The following SPPL2A variants were observed in gnomAD, a reference collection of about 807,000 sequenced individuals.
SPPL2A encodes signal peptide peptidase-like 2A.
In SPPL2A, 51 loss-of-function variants were observed where a neutral mutation model predicts 63.8. The observed-to-expected ratio is 0.80, with a 90% CI of 0.64 to 1.01. The LOEUF (loss-of-function observed/expected upper bound fraction) is 1.01. Among genes scored for constraint, SPPL2A ranks in the 50% least tolerant of loss-of-function variants. SPPL2A has a pLI of 0.00. For synonymous variants in SPPL2A, 188 were observed against 205.8 expected (o/e 0.91, Z 0.74); for missense variants, 553 against 622.7 (o/e 0.89, Z 1.19).
chr15:50,731,942 A>AAAAAAAAAG (rs1280958528), intron 9 of SPPL2A, among the ~76,000 whole-genome samples: 1 of 124,066 alleles, frequency 8.1e-6, no homozygotes. Flanking sequence ...AAAAAAAAAA[A>AAAAAAAAAG]ACCAAATAAA....
intron 14 of SPPL2A, among the ~76,000 whole-genome samples, chr15:50,712,671 C>A: frequency 1.0e-5 from 1 of 99,408 alleles, no homozygotes; most frequent in Non-Finnish European, 1.9e-5. Context: ...CTCCCTCCCT[C>A]CCCCCCCCTT....
At chr15:50,762,991 C>T (rs1372048308) in intron 1 of SPPL2A, among the ~76,000 whole-genome samples, 2 of 151,688 alleles carry the variant, frequency 1.3e-5, no homozygotes, top group Non-Finnish European at 2.9e-5. Context: ...GATCCACCCA[C>T]CTGGACCTCT....
At chr15:50,727,363 C>T (rs191847405) in intron 10 of SPPL2A, among the ~76,000 whole-genome samples, 1 of 152,158 alleles carries the variant, frequency 6.6e-6, no homozygotes, top group Admixed American at 6.5e-5. Context: ...AAATCTTCTG[C>T]GCATGTTAAG....
At chr15:50,712,682 T>TAC (rs1418811529) in intron 14 of SPPL2A, among the ~76,000 whole-genome samples, 1 of 120,170 alleles carries the variant, frequency 8.3e-6, no homozygotes, top group Non-Finnish European at 1.8e-5. Context: ...CCCCCCCCTT[T>TAC]TTTTTTTTTT....
intron 14 of SPPL2A, among the ~76,000 whole-genome samples, chr15:50,709,010 C>T (rs12912835): frequency 0.087 from 13,222 of 151,594 alleles, 732 homozygotes; most frequent in South Asian, 0.15. Context: ...GCGCTCCAGC[C>T]TGGGTGACAG....
intron 12 of SPPL2A, 130 bp downstream of exon 12, chr15:50,725,091 A>G: frequency 1.5e-6 from 1 of 671,186 alleles, no homozygotes; most frequent in Non-Finnish European, 2.6e-6. Context: ...TTTTGTTATG[A>G]CAATCTCAGC....
intron 1 of SPPL2A, among the ~76,000 whole-genome samples, chr15:50,750,395 T>C (rs977826015): frequency 2.0e-5 from 3 of 152,170 alleles, no homozygotes; most frequent in Non-Finnish European, 2.9e-5. Flanking sequence ...TTATATTCTA[T>C]AAAACAACAT....
chr15:50,716,153 TA>T (rs1406342153), intron 14 of SPPL2A, among the ~76,000 whole-genome samples: 1 of 152,142 alleles, frequency 6.6e-6, no homozygotes, highest in Non-Finnish European at 1.5e-5. Context: ...CTTGTATTTT[TA>T]AAAAATATTT....
Position 50,706,308 on chromosome 15 carries a change from T to C in SPPL2A, c.*1492A>G, listed in dbSNP as rs1237523338. On this transcript the variant is annotated 3_prime_UTR_variant, in exon 15 of 15. Transcript: ENST00000261854. ...GGGAGGCTGAGGCAGGAGAATGGCGTGAACCCGGGAGGCGGAGCTTGCAGT... is the reference window on the plus strand; with the variant it reads ...GGGAGGCTGAGGCAGGAGAATGGCGCGAACCCGGGAGGCGGAGCTTGCAGT... The C allele has an allele frequency of 4.3e-5, 6 of 139,814 alleles. No individual in the cohort carries two copies. In the Admixed American group the frequency reaches 4.7e-4, roughly 11 times the overall value. The allele number at this position is 139,814 out of a possible 1,614,324, so 8.7% of individuals were successfully genotyped here. A position where few individuals can be genotyped will look rare whatever the true frequency, so the allele number is the denominator to read the frequency against.
intron 4 of SPPL2A, 82 bp from the exon 5 acceptor site, chr15:50,747,710 CT>C (rs1946076180): frequency 1.5e-5 from 14 of 946,814 alleles, no homozygotes; most frequent in Non-Finnish European, 2.0e-5. Context: ...ACATTTCACT[CT>C]GGAATGGACA....
chr15:50,756,164 T>C (rs1264760932), intron 1 of SPPL2A, among the ~76,000 whole-genome samples: 1 of 151,080 alleles, frequency 6.6e-6, no homozygotes, highest in Non-Finnish European at 1.5e-5. Context: ...ATCAAGACCA[T>C]CCTGGCTAAC....
intron 5 of SPPL2A, among the ~76,000 whole-genome samples, chr15:50,740,583 C>T (rs575054832): frequency 8.5e-5 from 13 of 152,060 alleles, no homozygotes; most frequent in African/African-American, 2.9e-4. Context: ...CTATTATCAA[C>T]TTACAGATAG....
At chr15:50,738,072 T>C (rs1190230930) in intron 6 of SPPL2A, among the ~76,000 whole-genome samples, 19 of 152,126 alleles carry the variant, frequency 1.2e-4, no homozygotes, top group Admixed American at 1.2e-3. Flanking sequence ...TAGTCCCAGC[T>C]ACTTGGGAGG....
At chr15:50,754,548 T>C (rs1441023138) in intron 1 of SPPL2A, among the ~76,000 whole-genome samples, 1 of 152,210 alleles carries the variant, frequency 6.6e-6, no homozygotes, top group East Asian at 1.9e-4. Flanking sequence ...GTATGCAAAT[T>C]ATACGTCAAT....
At chr15:50,749,972 T>C (rs1002174805) in intron 1 of SPPL2A, 8 of 558,552 alleles carry the variant, frequency 1.4e-5, no homozygotes, top group African/African-American at 3.8e-5. Context: ...GGTCACTTTC[T>C]TAAGGGAGTA....
In SPPL2A at chr15:50,751,446, G is replaced by A. The variant is rs538448287; in HGVS notation, c.67-1700C>T. On this transcript the variant is annotated intron_variant, in intron 1 of 14. Transcript: ENST00000261854. ...GATAATCCTGCAGATAAACATGAAG[G>A]TTGCTTAGATTTAATTTAAACATTT... Among the ~76,000 whole-genome samples the A allele has an allele frequency of 4.6e-5, 7 of 152,284 alleles. No individual in the cohort carries two copies. In the South Asian group the frequency reaches 1.4e-3, roughly 32 times the overall value.
chr15:50,754,506 G>A (rs577516366), intron 1 of SPPL2A, among the ~76,000 whole-genome samples: 5 of 152,034 alleles, frequency 3.3e-5, no homozygotes, highest in African/African-American at 4.8e-5. Flanking sequence ...AAATACTATC[G>A]GCTTATACAT....
intron 10 of SPPL2A, among the ~76,000 whole-genome samples, chr15:50,729,278 A>G (rs1439655198): frequency 6.6e-6 from 1 of 152,256 alleles, no homozygotes; most frequent in East Asian, 1.9e-4. Flanking sequence ...GTTATAACCC[A>G]TAATACTAGT....
At chr15:50,710,485 G>C (rs1012407284) in intron 14 of SPPL2A, among the ~76,000 whole-genome samples, 1 of 151,842 alleles carries the variant, frequency 6.6e-6, no homozygotes, top group Admixed American at 6.6e-5. Context: ...GAAACATAAA[G>C]AACAAAGTTT....
Sources: allele counts gnomAD v4.1 joint callset (sites outside exome capture counted in the v4.1 genomes callset), GRCh38; gene constraint gnomAD v4.1.1; transcripts MANE v1.5; gene names NCBI Gene and HGNC (gene_info 2026-07-23, HGNC 2026-07-21).